Variants in DLGAP4 observed in about 807,000 individuals in gnomAD.
DLGAP4 encodes the protein disks large-associated protein 4.
Under a neutral mutation model 86.9 loss-of-function variants are expected in DLGAP4, and 18 were observed. That is an observed-to-expected ratio of 0.21 (90% CI 0.14 to 0.31). DLGAP4 has a LOEUF of 0.31. Among genes scored for constraint, DLGAP4 ranks in the 10% least tolerant of loss-of-function variants. The pLI is 1.00. For synonymous variants in DLGAP4, 548 were observed against 574.3 expected, an observed-to-expected ratio of 0.95 and a Z score of 0.65; for missense variants, 1,085 against 1,362.6, an observed-to-expected ratio of 0.80 and a Z score of 3.21.
chr20:36,460,205 C>T (rs2033987078), intron 7 of DLGAP4, among the ~76,000 whole-genome samples: 1 of 152,152 alleles, frequency 6.6e-6, no homozygotes, highest in Non-Finnish European at 1.5e-5. Context: ...TTGGCTCACG[C>T]CTGTAATCTC....
chr20:36,498,358 AT>A (rs1755316345), intron 8 of DLGAP4: 1 of 152,220 alleles, frequency 6.6e-6, no homozygotes, highest in Non-Finnish European at 1.5e-5. Flanking sequence ...GAGTAGCCTG[AT>A]CTTCAACCCT....
chr20:36,357,968 G>A (rs2030385882), intron 1 of DLGAP4, among the ~76,000 whole-genome samples: 2 of 152,186 alleles, frequency 1.3e-5, no homozygotes, highest in Admixed American at 1.3e-4. Flanking sequence ...ATAAATTTGG[G>A]TACCAGCTGG....
chr20:36,345,885 G>A (rs2029920947), intron 1 of DLGAP4, among the ~76,000 whole-genome samples: 1 of 152,074 alleles, frequency 6.6e-6, no homozygotes, highest in Non-Finnish European at 1.5e-5. Flanking sequence ...AGCCTCCCAA[G>A]TAGCTGGGAC....
chr20:36,445,172 A>G (rs1159438487), intron 6 of DLGAP4, among the ~76,000 whole-genome samples: 1 of 152,030 alleles, frequency 6.6e-6, no homozygotes, highest in East Asian at 1.9e-4. Context: ...ATTAATTTAA[A>G]CCCAAATAGC....
chr20:36,414,978 A>G (rs1264148092), intron 2 of DLGAP4, among the ~76,000 whole-genome samples: 1 of 152,178 alleles, frequency 6.6e-6, no homozygotes, highest in Non-Finnish European at 1.5e-5. Flanking sequence ...CAAAACCTCC[A>G]GAGAGGGCTG....
intron 2 of DLGAP4, among the ~76,000 whole-genome samples, chr20:36,392,551 A>G (rs1307260637): frequency 8.5e-6 from 1 of 118,024 alleles, no homozygotes; most frequent in Non-Finnish European, 1.9e-5. Flanking sequence ...TTGTATTTTT[A>G]GAGAGATGGG....
At chr20:36,382,963 G>A (rs1406741740) in intron 2 of DLGAP4, among the ~76,000 whole-genome samples, 1 of 152,160 alleles carries the variant, frequency 6.6e-6, no homozygotes, top group South Asian at 2.1e-4. Context: ...TGTCCTTGTT[G>A]GGAAGGGGGA....
At chr20:36,452,826 CT>C (rs1233444372) in intron 7 of DLGAP4, among the ~76,000 whole-genome samples, 1,118 of 90,814 alleles carry the variant, frequency 0.012, 2 homozygotes, top group African/African-American at 0.038. Context: ...TTGTGTAAGT[CT>C]TTTTTTTTTT....
chr20:36,396,348 CA>C (rs2031956124), intron 2 of DLGAP4, among the ~76,000 whole-genome samples: 3 of 2,632 alleles, frequency 1.1e-3, no homozygotes, highest in Non-Finnish European at 1.4e-3. Flanking sequence ...CACACACACA[CA>C]CACATACCAC....
At chr20:36,323,175 CAAAAAAAAAAAAAAA>C (rs1164348704) in intron 1 of DLGAP4, among the ~76,000 whole-genome samples, 1 of 35,374 alleles carries the variant, frequency 2.8e-5, no homozygotes, top group Non-Finnish European at 7.4e-5. Context: ...GACCCTATCT[CAAAAAAAAAAAAAAA>C]AAAAAAAAAA....
At chr20:36,339,924 G>A (rs1253772027) in intron 1 of DLGAP4, among the ~76,000 whole-genome samples, 3 of 152,222 alleles carry the variant, frequency 2.0e-5, no homozygotes, top group Admixed American at 1.3e-4. Context: ...CTGGACCTCC[G>A]GCAAGAGGTG....
chr20:36,476,125 C>T (rs2034904018), intron 7 of DLGAP4, among the ~76,000 whole-genome samples: 2 of 151,586 alleles, frequency 1.3e-5, no homozygotes, highest in Admixed American at 1.3e-4. Flanking sequence ...TCCCAAAGTG[C>T]TGGGATTACA....
intron 7 of DLGAP4, among the ~76,000 whole-genome samples, chr20:36,479,764 G>A (rs1460145142): frequency 2.0e-5 from 3 of 152,156 alleles, no homozygotes; most frequent in Admixed American, 6.5e-5. Flanking sequence ...GAATGGTGCT[G>A]CTACAGTGCG....
At chr20:36,405,621 G>A (rs762425126) in intron 2 of DLGAP4, among the ~76,000 whole-genome samples, 4 of 152,124 alleles carry the variant, frequency 2.6e-5, no homozygotes, top group African/African-American at 9.7e-5. Context: ...GGCTGGAGCG[G>A]GCTGGGGACT....
chr20:36,374,155 G>A (rs1419180518), intron 2 of DLGAP4, among the ~76,000 whole-genome samples: 9 of 152,072 alleles, frequency 5.9e-5, no homozygotes, highest in Non-Finnish European at 8.8e-5. Context: ...CTGAAGTACC[G>A]ATTTCACTAG....
intron 1 of DLGAP4, among the ~76,000 whole-genome samples, chr20:36,338,160 C>CA: frequency 6.6e-6 from 1 of 152,324 alleles, no homozygotes; most frequent in South Asian, 2.1e-4. Context: ...GCCCTGGACA[C>CA]ATGGTGTGGG....
intron 1 of DLGAP4, among the ~76,000 whole-genome samples, chr20:36,346,941 C>T (rs1473169051): frequency 5.3e-5 from 8 of 152,138 alleles, no homozygotes; most frequent in African/African-American, 1.7e-4. Flanking sequence ...ACAGAGACTT[C>T]GGTGGTGGAA....
chr20:36,489,923 A>G (rs2035589288), intron 7 of DLGAP4, among the ~76,000 whole-genome samples: 2 of 146,842 alleles, frequency 1.4e-5, no homozygotes, highest in Non-Finnish European at 3.0e-5. Flanking sequence ...CAGTGGCGCA[A>G]TCCTGGCTCA....
At chr20:36,495,710 T>C (rs1393205341) in intron 7 of DLGAP4, among the ~76,000 whole-genome samples, 1 of 152,014 alleles carries the variant, frequency 6.6e-6, no homozygotes. Flanking sequence ...GGAATCTCAG[T>C]GGAGAAAGTG....
Sources: allele counts gnomAD v4.1 joint callset (sites outside exome capture counted in the v4.1 genomes callset), GRCh38; gene constraint gnomAD v4.1.1; transcripts MANE v1.5; gene names NCBI Gene and HGNC (gene_info 2026-07-23, HGNC 2026-07-21).